The following CWC27 variants were observed in gnomAD, a reference collection of about 807,000 sequenced individuals.
CWC27 encodes spliceosome-associated protein CWC27 homolog.
A neutral mutation model predicts 63.6 loss-of-function variants in CWC27; 47 were observed. The ratio of observed to expected loss-of-function variants is 0.74; its 90% CI spans 0.58 to 0.94. The LOEUF (loss-of-function observed/expected upper bound fraction) is 0.94. Ranked by LOEUF, CWC27 falls within the 40% of genes least tolerant of loss-of-function variation. The pLI is 0.00. For missense variants in CWC27, 495 were observed against 554.3 expected (o/e 0.89, Z 1.07); for synonymous variants, 175 against 179.8 (o/e 0.97, Z 0.22).
Position 64,788,527 on chromosome 5 carries a change from T to A in CWC27, c.600-424T>A, listed in dbSNP as rs1743962417. Among the ~76,000 whole-genome samples, 3 of 151,986 alleles carry A rather than the reference T, an allele frequency of 2.0e-5. No homozygotes were observed. In the South Asian group the frequency reaches 6.2e-4, roughly 31 times the overall value. On this transcript the variant is annotated intron_variant, in intron 6 of 13. Coordinates refer to ENST00000381070, the MANE Select transcript of CWC27 (RefSeq NM_005869.4). ...TGTATACATATTAATTTTAAAATATTAAAAAATATTTTGCCAAATACTAGA... is the reference window on the plus strand; with the variant it reads ...TGTATACATATTAATTTTAAAATATAAAAAAATATTTTGCCAAATACTAGA...
chr5:64,921,254 C>T (rs1301981950), intron 11 of CWC27, among the ~76,000 whole-genome samples: 3 of 151,978 alleles, frequency 2.0e-5, no homozygotes. Context: ...TTTGATACAT[C>T]TTGGTATCTA....
At chr5:64,957,397 G>A (rs1354010453) in intron 11 of CWC27, among the ~76,000 whole-genome samples, 3 of 152,134 alleles carry the variant, frequency 2.0e-5, no homozygotes, top group African/African-American at 7.2e-5. Flanking sequence ...AAGAATTGCG[G>A]ATCACACCAT....
chr5:64,921,926 G>C (rs530988529), intron 11 of CWC27, among the ~76,000 whole-genome samples: 1 of 152,164 alleles, frequency 6.6e-6, no homozygotes, highest in Non-Finnish European at 1.5e-5. Flanking sequence ...AGCTTAGTTT[G>C]GCAGAATATG....
chr5:64,909,402 G>A (rs1388286715), intron 11 of CWC27, among the ~76,000 whole-genome samples: 16 of 152,156 alleles, frequency 1.1e-4, no homozygotes, highest in Non-Finnish European at 2.4e-4. Context: ...TGAATCTGAC[G>A]ATTATGTGTC....
At chr5:64,908,845 A>G (rs566840192) in intron 11 of CWC27, among the ~76,000 whole-genome samples, 2 of 152,320 alleles carry the variant, frequency 1.3e-5, no homozygotes, top group South Asian at 4.1e-4. Context: ...CCAATTTGCC[A>G]GTCTGTGTCT....
intron 13 of CWC27, among the ~76,000 whole-genome samples, chr5:65,016,975 T>C (rs1416016713): frequency 6.6e-6 from 1 of 152,162 alleles, no homozygotes; most frequent in African/African-American, 2.4e-5. Flanking sequence ...TGAAGAAAAG[T>C]GTGTATAGGA....
Position 64,813,343 on chromosome 5 carries a change from T to C in CWC27, c.938+8957T>C, listed in dbSNP as rs369171234. On this transcript the variant is annotated intron_variant, in intron 10 of 13. Coordinates refer to ENST00000381070, the MANE Select transcript of CWC27 (RefSeq NM_005869.4). ...ACTTTTAAAGTGCCTATTCAGTTCA[T>C]TGAGAACCAGTTAATCCGTATCCAA... Among the ~76,000 whole-genome samples the C allele has an allele frequency of 1.1e-4, 16 of 152,268 alleles. No individual in the cohort carries two copies. In the East Asian group the frequency reaches 1.4e-3, roughly 13 times the overall value.
chr5:64,951,993 G>A (rs575673870), intron 11 of CWC27, among the ~76,000 whole-genome samples: 1 of 151,826 alleles, frequency 6.6e-6, no homozygotes, highest in South Asian at 2.1e-4. Context: ...CCAAAAAAAA[G>A]AATACAGTTG....
intron 7 of CWC27, among the ~76,000 whole-genome samples, chr5:64,793,755 G>T (rs551069321): frequency 6.6e-6 from 1 of 152,042 alleles, no homozygotes; most frequent in Non-Finnish European, 1.5e-5. Flanking sequence ...TTCTTCATTT[G>T]TTTATCAAGT....
At chr5:64,909,773 C>G (rs921277195) in intron 11 of CWC27, among the ~76,000 whole-genome samples, 1 of 152,004 alleles carries the variant, frequency 6.6e-6, no homozygotes, top group South Asian at 2.1e-4. Flanking sequence ...CGTGCCAGCT[C>G]CTTCAGGGCA....
chr5:64,780,303 A>G (rs1743621644), intron 2 of CWC27, among the ~76,000 whole-genome samples: 2 of 152,104 alleles, frequency 1.3e-5, no homozygotes, highest in South Asian at 4.1e-4. Context: ...CCATTCATCC[A>G]TTGATAGACA....
intron 13 of CWC27, among the ~76,000 whole-genome samples, chr5:65,006,960 C>CAGAAAGAAAGAA (rs200204473): frequency 9.7e-4 from 118 of 121,214 alleles, no homozygotes; most frequent in Middle Eastern, 3.8e-3. Context: ...TTTAAAAAGA[C>CAGAAAGAAAGAA]AGAAAGAAAG....
intron 10 of CWC27, among the ~76,000 whole-genome samples, chr5:64,854,675 A>G (rs1268359758): frequency 6.6e-6 from 1 of 152,242 alleles, no homozygotes; most frequent in Non-Finnish European, 1.5e-5. Context: ...TCAGGATGAA[A>G]TAAAGACACA....
chr5:64,795,481 A>G (rs12187836), intron 7 of CWC27, among the ~76,000 whole-genome samples: 55,837 of 151,996 alleles, frequency 0.37, 10,883 homozygotes, highest in East Asian at 0.51. Context: ...ATATCAAGGC[A>G]TTTGCAGGGA....
intron 10 of CWC27, among the ~76,000 whole-genome samples, chr5:64,861,040 G>A (rs1746400339): frequency 6.6e-6 from 1 of 152,114 alleles, no homozygotes; most frequent in Non-Finnish European, 1.5e-5. Flanking sequence ...AAATGGTTAG[G>A]AGCTGCCTAG....
chr5:64,828,740 G>A (rs1305539024), intron 10 of CWC27, among the ~76,000 whole-genome samples: 3 of 151,990 alleles, frequency 2.0e-5, no homozygotes, highest in African/African-American at 7.3e-5. Flanking sequence ...GACAACCTAG[G>A]TCATCTGAGT....
intron 13 of CWC27, among the ~76,000 whole-genome samples, chr5:65,007,010 GAAAGAAAGAAAGA>G (rs1255656683): frequency 7.2e-6 from 1 of 138,416 alleles, no homozygotes; most frequent in African/African-American, 2.8e-5. Flanking sequence ...AAGAAAGAAA[GAAAGAAAGAAAGA>G]AAAGAAAGAA....
intron 7 of CWC27, among the ~76,000 whole-genome samples, chr5:64,792,732 G>C (rs888722711): frequency 6.6e-6 from 1 of 152,078 alleles, no homozygotes; most frequent in Admixed American, 6.6e-5. Context: ...GTTGTACATA[G>C]AGTCTGTGTC....
rs1384259842 is a variant in CWC27 at position 64,800,920 on chromosome 5, T to G, written c.750-382T>G. Among the ~76,000 whole-genome samples, 19 of 152,316 alleles carry G rather than the reference T, an allele frequency of 1.2e-4. No homozygotes were observed. In the East Asian group the frequency reaches 2.9e-3, roughly 23 times the overall value. ...CAGTTTAGCTCATTTTCGAAACTCC[T>G]GTTTTAAGACAATCTTTTCTTAATA... On this transcript the variant is annotated intron_variant, in intron 8 of 13. Coordinates refer to ENST00000381070, the MANE Select transcript of CWC27 (RefSeq NM_005869.4).
Sources: gnomAD v4.1 joint callset for allele counts (sites outside exome capture counted in the v4.1 genomes callset) on GRCh38, gnomAD v4.1.1 for gene constraint, MANE v1.5 for transcripts, NCBI Gene and HGNC (gene_info 2026-07-23, HGNC 2026-07-21) for gene names.